The following XKR9 variants were observed in gnomAD, a reference collection of about 807,000 sequenced individuals.
The protein encoded by XKR9 is XK related 9.
XKR9 carries 32 observed loss-of-function variants against 32.0 expected under a neutral mutation model. The observed-to-expected ratio is 1.00, with a 90% CI of 0.76 to 1.34. The LOEUF (loss-of-function observed/expected upper bound fraction) is 1.34. XKR9 is among the 40% of genes most tolerant of loss of function. The pLI is 0.00. For missense variants in XKR9, 546 were observed against 429.7 expected (o/e 1.27, Z -2.39); for synonymous variants, 168 against 143.4 (o/e 1.17, Z -1.22).
At chr8:71,017,475 G>A in the XKR9 span, among the ~76,000 whole-genome samples, 1 of 152,220 alleles carries the variant, frequency 6.6e-6, no homozygotes, top group African/African-American at 2.4e-5. Flanking sequence ...AAGTCATGAT[G>A]GGATGGAAGG....
chr8:70,863,355 G>T, the XKR9 span, among the ~76,000 whole-genome samples: 108 of 152,236 alleles, frequency 7.1e-4, no homozygotes, highest in Non-Finnish European at 7.9e-4. Context: ...CAGTCTAAAG[G>T]GTACTATAGG....
At chr8:70,728,944 A>G (rs1049939915) in intron 4 of XKR9, among the ~76,000 whole-genome samples, 1 of 152,142 alleles carries the variant, frequency 6.6e-6, no homozygotes, top group African/African-American at 2.4e-5. Flanking sequence ...TCTCCTCTTG[A>G]GGTCCCAGGA....
the XKR9 span, among the ~76,000 whole-genome samples, chr8:71,046,226 C>G: frequency 6.6e-6 from 1 of 152,154 alleles, no homozygotes; most frequent in Non-Finnish European, 1.5e-5. Context: ...GGAACCTTAG[C>G]ATTTCTTTAA....
the XKR9 span, among the ~76,000 whole-genome samples, chr8:70,888,988 A>T: frequency 6.6e-6 from 1 of 151,944 alleles, no homozygotes; most frequent in Admixed American, 6.6e-5. Context: ...TCTACGAATA[A>T]TGTTATTGGT....
chr8:70,896,226 G>T, the XKR9 span, among the ~76,000 whole-genome samples: 3 of 152,090 alleles, frequency 2.0e-5, no homozygotes, highest in African/African-American at 7.2e-5. Context: ...CTCATAAAAT[G>T]AGTTGGGAAG....
chr8:70,775,805 C>T (rs145489799), intron 2 of XKR9, among the ~76,000 whole-genome samples: 142 of 150,924 alleles, frequency 9.4e-4, no homozygotes, highest in African/African-American at 1.5e-3. Context: ...ACTACAGTGG[C>T]GCAATCATGG....
downstream of XKR9, among the ~76,000 whole-genome samples, chr8:70,740,829 T>A (rs1023520102): frequency 6.6e-6 from 1 of 152,196 alleles, no homozygotes; most frequent in African/African-American, 2.4e-5. Context: ...CTCTGAAAGT[T>A]TTGTCTCAGA....
chr8:70,760,659 A>T (rs1352338838), intron 2 of XKR9, among the ~76,000 whole-genome samples: 5 of 152,184 alleles, frequency 3.3e-5, no homozygotes, highest in Non-Finnish European at 1.5e-5. Context: ...GTATAATTCA[A>T]GTACATTCAC....
At chr8:70,860,288 C>T in the XKR9 span, among the ~76,000 whole-genome samples, 2 of 151,926 alleles carry the variant, frequency 1.3e-5, no homozygotes, top group East Asian at 1.9e-4. Context: ...AATTAGTACC[C>T]TTATAAGAAG....
At chr8:70,785,471 A>G (rs1807672487) in intron 2 of XKR9, among the ~76,000 whole-genome samples, 2 of 151,440 alleles carry the variant, frequency 1.3e-5, no homozygotes, top group South Asian at 4.2e-4. Context: ...ATTAACAATT[A>G]AACAATTAAA....
chr8:71,017,424 A>G, the XKR9 span, among the ~76,000 whole-genome samples: 2 of 152,160 alleles, frequency 1.3e-5, no homozygotes, highest in Non-Finnish European at 2.9e-5. Flanking sequence ...ACCATCCTCA[A>G]GAAGGTTTGA....
chr8:71,025,676 T>G, the XKR9 span, among the ~76,000 whole-genome samples: 1 of 152,198 alleles, frequency 6.6e-6, no homozygotes, highest in African/African-American at 2.4e-5. Flanking sequence ...TTTCTGACAA[T>G]CTGTCCACAT....
At chr8:70,805,182 A>C in the XKR9 span, among the ~76,000 whole-genome samples, 1 of 152,186 alleles carries the variant, frequency 6.6e-6, no homozygotes, top group African/African-American at 2.4e-5. Flanking sequence ...CACACAGGGC[A>C]GGGGAATCTC....
At chr8:70,816,335 G>T in the XKR9 span, among the ~76,000 whole-genome samples, 1 of 152,134 alleles carries the variant, frequency 6.6e-6, no homozygotes, top group African/African-American at 2.4e-5. Flanking sequence ...ACAGTATGGA[G>T]ATTTCTGAAG....
chr8:70,862,015 T>C, the XKR9 span, among the ~76,000 whole-genome samples: 1 of 152,156 alleles, frequency 6.6e-6, no homozygotes, highest in African/African-American at 2.4e-5. Context: ...AGGGAACTTT[T>C]TCCTTTTGCC....
chr8:70,836,057 T>A, the XKR9 span, among the ~76,000 whole-genome samples: 1 of 152,114 alleles, frequency 6.6e-6, no homozygotes, highest in East Asian at 1.9e-4. Flanking sequence ...TTTGTCCTTT[T>A]ACATATCTTT....
chr8:70,816,734 A>T, the XKR9 span, among the ~76,000 whole-genome samples: 1 of 56,270 alleles, frequency 1.8e-5, no homozygotes, highest in African/African-American at 7.8e-5. Context: ...AAAGATTCTC[A>T]TCAACCAAAC....
At chr8:70,852,312 A>G in the XKR9 span, among the ~76,000 whole-genome samples, 2 of 152,112 alleles carry the variant, frequency 1.3e-5, no homozygotes, top group Non-Finnish European at 2.9e-5. Flanking sequence ...TGGAGAAAAG[A>G]ATGCTTTCAC....
intron 2 of XKR9, among the ~76,000 whole-genome samples, chr8:70,745,739 ATTTG>A (rs1807049770): frequency 6.6e-6 from 1 of 152,200 alleles, no homozygotes; most frequent in South Asian, 2.1e-4. Context: ...GTGCTGCCTA[ATTTG>A]TTCCCTGGTT....
Sources: gnomAD v4.1 joint callset for allele counts (sites outside exome capture counted in the v4.1 genomes callset) on GRCh38, gnomAD v4.1.1 for gene constraint, MANE v1.5 for transcripts, NCBI Gene and HGNC (gene_info 2026-07-23, HGNC 2026-07-21) for gene names.